DLC1: variants seen among roughly 807,000 people sequenced by gnomAD.
The protein encoded by DLC1 is DLC1 Rho GTPase activating protein, also known as rho GTPase-activating protein 7.
A neutral mutation model predicts 140.3 loss-of-function variants in DLC1; 54 were observed. The observed-to-expected ratio is 0.38, with a 90% CI of 0.31 to 0.48. DLC1 has a LOEUF of 0.48. Among genes scored for constraint, DLC1 ranks in the 20% least tolerant of loss-of-function variants. The probability of loss-of-function intolerance (pLI) is 0.96; values close to 1 mark genes in which losing one functional copy is unlikely to be tolerated. For synonymous variants in DLC1, 986 were observed against 728.1 expected, an observed-to-expected ratio of 1.35 and a Z score of -5.70; for missense variants, 2,536 against 1,907.0, an observed-to-expected ratio of 1.33 and a Z score of -6.14.
At chr8:13,088,007 G>GA (rs1157311606) in intron 16 of DLC1, among the ~76,000 whole-genome samples, 3 of 152,212 alleles carry the variant, frequency 2.0e-5, no homozygotes, top group Non-Finnish European at 4.4e-5. Context: ...TCTCAGCGAG[G>GA]AACACACTGC....
chr8:13,230,059 T>C (rs1436766123), intron 5 of DLC1, among the ~76,000 whole-genome samples: 1 of 152,214 alleles, frequency 6.6e-6, no homozygotes, highest in Non-Finnish European at 1.5e-5. Context: ...TAAAGGACAC[T>C]GGGAACTTTG....
rs1029868734 is a variant in DLC1, at chr8:13,217,761, C to T, written c.1348+87508G>A. ...GCTGAGGCAGGAGAATTGCTTGAAC[C>T]TGGGAGGCAGAGATTGCGGTGAGCC... is the stretch of plus-strand genomic sequence containing the variant. On this transcript the variant is annotated intron_variant, in intron 5 of 17. Transcript: ENST00000276297. Among the ~76,000 whole-genome samples the T allele has an allele frequency of 2.0e-5, 3 of 151,932 alleles. No individual in the cohort carries two copies. In the East Asian group the frequency reaches 5.8e-4, roughly 29 times the overall value.
At chr8:13,342,446 A>C (rs1834105880) in intron 4 of DLC1, 1 of 152,264 alleles carries the variant, frequency 6.6e-6, no homozygotes, top group African/African-American at 2.4e-5. Flanking sequence ...TTGCTGTGAA[A>C]GTATTTTTCA....
chr8:13,395,266 T>G (rs1836983125), intron 3 of DLC1, among the ~76,000 whole-genome samples: 1 of 151,942 alleles, frequency 6.6e-6, no homozygotes, highest in Admixed American at 6.6e-5. Context: ...GGATTACAGG[T>G]GCACACCACC....
At chr8:13,155,798 C>T (rs1824206695) in intron 5 of DLC1, among the ~76,000 whole-genome samples, 1 of 152,108 alleles carries the variant, frequency 6.6e-6, no homozygotes, top group Non-Finnish European at 1.5e-5. Context: ...GAACTCAGAG[C>T]TGTAGGTTGG....
intron 4 of DLC1, among the ~76,000 whole-genome samples, chr8:13,345,789 C>A (rs965587885): frequency 4.6e-5 from 7 of 151,980 alleles, no homozygotes; most frequent in Non-Finnish European, 8.8e-5. Context: ...AAACTCCTGA[C>A]CTGAAGTGAT....
chr8:13,532,338 G>A (rs1255725532), intron 1 of DLC1, among the ~76,000 whole-genome samples: 1 of 152,140 alleles, frequency 6.6e-6, no homozygotes, highest in Non-Finnish European at 1.5e-5. Flanking sequence ...TCTTTTACCT[G>A]TCTCTTCCTA....
intron 4 of DLC1, among the ~76,000 whole-genome samples, chr8:13,309,382 A>G (rs752964323): frequency 2.0e-5 from 3 of 152,140 alleles, no homozygotes; most frequent in Non-Finnish European, 4.4e-5. Flanking sequence ...ATGGCTCCCA[A>G]CCACTCCAAC....
chr8:13,202,162 T>C (rs1451456151), intron 5 of DLC1, among the ~76,000 whole-genome samples: 4 of 152,090 alleles, frequency 2.6e-5, no homozygotes, highest in Non-Finnish European at 5.9e-5. Flanking sequence ...GCCAGGATGG[T>C]CTTGATCTCT....
At chr8:13,132,518 C>G (rs571565318) in intron 5 of DLC1, among the ~76,000 whole-genome samples, 2 of 152,258 alleles carry the variant, frequency 1.3e-5, no homozygotes, top group East Asian at 1.9e-4. Context: ...TTGGACTAAG[C>G]TGGTGAATGA....
chr8:13,361,890 C>A (rs73203998), intron 4 of DLC1, among the ~76,000 whole-genome samples: 1 of 152,088 alleles, frequency 6.6e-6, no homozygotes, highest in Non-Finnish European at 1.5e-5. Flanking sequence ...GTGCTGGGCA[C>A]TGGGCTAAAT....
intron 7 of DLC1, among the ~76,000 whole-genome samples, 154 bp from the exon 8 acceptor site, chr8:13,103,007 G>C (rs1013264623): frequency 3.3e-5 from 5 of 152,276 alleles, no homozygotes; most frequent in South Asian, 2.1e-4. Flanking sequence ...TATTTAAAAA[G>C]TGAGTCATTT....
At chr8:13,272,696 C>T (rs1280241742) in intron 5 of DLC1, among the ~76,000 whole-genome samples, 2 of 151,778 alleles carry the variant, frequency 1.3e-5, no homozygotes, top group East Asian at 3.9e-4. Flanking sequence ...CCCGTCTCTA[C>T]TAAAAATACA....
At chr8:13,133,013 G>C (rs1822251835) in intron 5 of DLC1, 1 of 1,603,150 alleles carries the variant, frequency 6.2e-7, no homozygotes, top group Non-Finnish European at 8.5e-7. Context: ...AAGCGCTGTG[G>C]GGAAGTCGAG....
intron 8 of DLC1, among the ~76,000 whole-genome samples, chr8:13,101,881 G>C (rs1043079518): frequency 2.0e-5 from 3 of 152,152 alleles, no homozygotes; most frequent in South Asian, 4.1e-4. Flanking sequence ...TTTTCGGCAG[G>C]ATATCAAAGG....
intron 2 of DLC1, among the ~76,000 whole-genome samples, chr8:13,473,074 A>G (rs144602051): frequency 7.9e-4 from 120 of 152,324 alleles, no homozygotes; most frequent in Non-Finnish European, 1.4e-3. Flanking sequence ...GGTGCTGACT[A>G]TTATTATGCA....
At chr8:13,586,233 A>G (rs995312591) in intron 1 of DLC1, among the ~76,000 whole-genome samples, 2 of 152,140 alleles carry the variant, frequency 1.3e-5, no homozygotes, top group African/African-American at 2.4e-5. Context: ...TTGAGGCAGG[A>G]AGGGCAATTT....
intron 4 of DLC1, among the ~76,000 whole-genome samples, chr8:13,323,082 G>T (rs1833190104): frequency 6.6e-6 from 1 of 152,152 alleles, no homozygotes; most frequent in Admixed American, 6.5e-5. Context: ...TCAAGTCTGT[G>T]GAAAACCCTA....
intron 15 of DLC1, among the ~76,000 whole-genome samples, chr8:13,089,255 C>G (rs940317203): frequency 6.9e-6 from 1 of 144,844 alleles, no homozygotes; most frequent in Non-Finnish European, 1.5e-5. Context: ...GAAACTCCAT[C>G]TCAAAAGAAA....
Sources: gnomAD v4.1 joint callset for allele counts (sites outside exome capture counted in the v4.1 genomes callset) on GRCh38, gnomAD v4.1.1 for gene constraint, MANE v1.5 for transcripts, NCBI Gene and HGNC (gene_info 2026-07-23, HGNC 2026-07-21) for gene names.